Variants in ELAVL3 observed in about 807,000 individuals in gnomAD.
ELAVL3 encodes the protein ELAV-like protein 3.
A neutral mutation model predicts 34.2 loss-of-function variants in ELAVL3; 8 were observed. The observed-to-expected ratio is 0.23, with a 90% confidence interval of 0.14 to 0.42. The LOEUF (loss-of-function observed/expected upper bound fraction) is 0.42, where lower values mean the gene tolerates loss of function less well. ELAVL3 is among the 10% of genes least tolerant of loss of function. The pLI is 1.00. For missense variants in ELAVL3, 273 were observed against 518.8 expected, an observed-to-expected ratio of 0.53 and a Z score of 4.60; for synonymous variants, 209 against 222.1, an observed-to-expected ratio of 0.94 and a Z score of 0.53.
At position 11,480,161 on chromosome 19, in the gene ELAVL3, T is replaced by A. The variant is rs1971347006; in HGVS notation, c.9+439A>T. The A allele has an allele frequency of 6.3e-6, 1 of 159,180 alleles. No homozygotes were observed. Among genetic ancestry groups the A allele is most frequent in the Non-Finnish European group, 1.4e-5 (1 of 73,168 alleles). 9.9% of individuals were successfully genotyped at this position (159,180 alleles called of 1,614,324 possible). ...TGCGGCCGAGGCCCGGGGCGCGCGA[T>A]CCGACGCCACCCGCTTTCCCAGGGC... is the stretch of plus-strand genomic sequence containing the variant. On this transcript the variant is annotated intron_variant, in intron 1 of 6. Transcript: ENST00000359227. This position sits in a 1 kb window ranked among gnomAD's most constrained non-coding sequence, Gnocchi z 6.8.
chr19:11,460,103 T>C (rs1475333822), intron 3 of ELAVL3, among the ~76,000 whole-genome samples: 1 of 152,080 alleles, frequency 6.6e-6, no homozygotes, highest in Non-Finnish European at 1.5e-5. Flanking sequence ...CCGCCTCCAA[T>C]CTGCCCCAAC....
intron 6 of ELAVL3, 127 bp from the exon 7 acceptor site, chr19:11,455,004 A>T: frequency 1.1e-4 from 97 of 867,134 alleles, no homozygotes; most frequent in South Asian, 2.2e-4. Context: ...CTGCAATGCA[A>T]TTTTTTTTTT....
chr19:11,480,995 C>G lies in ELAVL3; in HGVS notation c.-387G>C. The G allele has an allele frequency of 5.0e-6, 1 of 199,348 alleles. No homozygotes were observed. The highest frequency in any genetic ancestry group is 1.1e-4 in the East Asian group (1 of 8,880). 12.3% of individuals were successfully genotyped at this position (199,348 alleles called of 1,614,324 possible). A position where few individuals can be genotyped will look rare whatever the true frequency, so the allele number is the denominator to read the frequency against. ...GTCCCGTGTGTTCAAGTCCTCTCCC[C>G]TCGCCCACCCTCCCTCCCTCCCTCC... On this transcript the variant is annotated 5_prime_UTR_variant, in exon 1 of 7. Transcript: ENST00000359227. This position sits in a 1 kb window ranked among gnomAD's most constrained non-coding sequence, Gnocchi z 6.8.
At chr19:11,462,706 C>G (rs975201638) in intron 3 of ELAVL3, among the ~76,000 whole-genome samples, 2 of 151,638 alleles carry the variant, frequency 1.3e-5, no homozygotes, top group Non-Finnish European at 1.5e-5. Context: ...GCCTGTAATC[C>G]CAGCACTTTG....
At chr19:11,457,216 C>A in intron 5 of ELAVL3, 68 bp from the exon 6 acceptor site, 1 of 1,476,770 alleles carries the variant, frequency 6.8e-7, no homozygotes, top group Admixed American at 2.4e-5. Flanking sequence ...CACCGTCGGC[C>A]TGCCCTCCCC....
chr19:11,461,909 C>T (rs1449340785), intron 3 of ELAVL3, among the ~76,000 whole-genome samples: 2 of 152,286 alleles, frequency 1.3e-5, no homozygotes, highest in East Asian at 1.9e-4. Context: ...GGCGCGGTGG[C>T]GCACGCCTGT....
chr19:11,455,184 G>T (rs895085522), intron 6 of ELAVL3, among the ~76,000 whole-genome samples: 3 of 151,922 alleles, frequency 2.0e-5, no homozygotes, highest in East Asian at 1.9e-4. Flanking sequence ...ATGATTTGTG[G>T]TGACACAGTC....
At chr19:11,478,512 G>A (rs1012940853) in intron 1 of ELAVL3, among the ~76,000 whole-genome samples, 6 of 152,060 alleles carry the variant, frequency 3.9e-5, no homozygotes, top group Non-Finnish European at 8.8e-5. Context: ...GAGATGGGGG[G>A]GTGGCAAAGT....
At chr19:11,461,910 G>T (rs545762811) in intron 3 of ELAVL3, among the ~76,000 whole-genome samples, 3 of 152,056 alleles carry the variant, frequency 2.0e-5, no homozygotes, top group South Asian at 4.1e-4. Flanking sequence ...GCGCGGTGGC[G>T]CACGCCTGTA....
At chr19:11,456,180 A>C (rs370674181) in intron 6 of ELAVL3, among the ~76,000 whole-genome samples, 36 of 151,104 alleles carry the variant, frequency 2.4e-4, no homozygotes, top group Middle Eastern at 3.4e-3. Flanking sequence ...ATCTCAGCTC[A>C]CTGCAACCTC....
At chr19:11,465,588 A>AC (rs555422256) in intron 3 of ELAVL3, among the ~76,000 whole-genome samples, 13,741 of 140,486 alleles carry the variant, frequency 0.098, 1,856 homozygotes, top group African/African-American at 0.31. Context: ...CAGATGGGCC[A>AC]CCCCCCCGAC....
intron 1 of ELAVL3, among the ~76,000 whole-genome samples, chr19:11,474,663 T>C (rs1971230242): frequency 6.6e-6 from 1 of 151,962 alleles, no homozygotes; most frequent in East Asian, 1.9e-4. Flanking sequence ...TATTTAAAGA[T>C]GGGGTCTCTC....
At position 11,458,029 on chromosome 19, in the gene ELAVL3, G is replaced by T. The variant is rs201006578; in HGVS notation, c.713+32C>A. On this transcript the variant is annotated intron_variant, in intron 5 of 6. Coordinates refer to ENST00000359227, the MANE Select transcript of ELAVL3 (RefSeq NM_001420.4). This position sits in a 1 kb window ranked among gnomAD's most constrained non-coding sequence, Gnocchi z 7.3. ...AGGGTTGCAAGCTTGGGGGCACCCG[G>T]CCTGGGGCCATCTGGCTGGCAGGGG... 714 of 1,602,242 alleles carry T rather than the reference G, an allele frequency of 4.5e-4. 4 individuals are homozygous for T. In the African/African-American group the frequency reaches 8.9e-3, roughly 20 times the overall value.
In ELAVL3 at chr19:11,458,299, A is replaced by G. The variant is rs1252134748; in HGVS notation, c.488-13T>C. 1 of 1,612,738 alleles carries G rather than the reference A, an allele frequency of 6.2e-7. No homozygotes were observed. The highest frequency in any genetic ancestry group is 2.2e-5 in the East Asian group (1 of 44,862). On this transcript the variant is annotated splice_polypyrimidine_tract_variant and intron_variant, in intron 4 of 6. Coordinates refer to ENST00000359227, the MANE Select transcript of ELAVL3 (RefSeq NM_001420.4). The surrounding 1 kb of genome is among the most constrained non-coding windows in gnomAD (Gnocchi z 7.3). ...CCCCGAGAGACACCTGCCAGGGGGCAGGGATGTCCATCACGACGACCCTGT... is the reference window on the plus strand; with the variant it reads ...CCCCGAGAGACACCTGCCAGGGGGCGGGGATGTCCATCACGACGACCCTGT...
Position 11,480,709 on chromosome 19 carries a change from G to C in ELAVL3, c.-101C>G, listed in dbSNP as rs1450671369. On this transcript the variant is annotated 5_prime_UTR_variant, in exon 1 of 7. Transcript: ENST00000359227. This position sits in a 1 kb window ranked among gnomAD's most constrained non-coding sequence, Gnocchi z 6.8. ...GCTCACGCTGGGGTCCCGCCCGGGCGGCCTCTGGTGCGGCCGCTGCAGATG... is the reference window on the plus strand; with the variant it reads ...GCTCACGCTGGGGTCCCGCCCGGGCCGCCTCTGGTGCGGCCGCTGCAGATG... The C allele has an allele frequency of 1.7e-6, 2 of 1,191,700 alleles. No homozygotes were observed. Among genetic ancestry groups the C allele is most frequent in the Non-Finnish European group, 2.2e-6 (2 of 905,164 alleles). 73.8% of individuals were successfully genotyped at this position (1,191,700 alleles called of 1,614,324 possible). A position where few individuals can be genotyped will look rare whatever the true frequency, so the allele number is the denominator to read the frequency against.
Position 11,454,500 on chromosome 19 carries a change from G to C in ELAVL3, c.*26C>G, listed in dbSNP as rs200383181. The C allele has an allele frequency of 1.6e-3, 2,390 of 1,538,360 alleles. 3 individuals carry two copies. Among genetic ancestry groups the C allele is most frequent in the Non-Finnish European group, 1.9e-3 (2,171 of 1,139,542 alleles). On this transcript the variant is annotated 3_prime_UTR_variant, in exon 7 of 7. Coordinates refer to ENST00000359227, the MANE Select transcript of ELAVL3 (RefSeq NM_001420.4). The surrounding 1 kb of genome is among the most constrained non-coding windows in gnomAD (Gnocchi z 9.2). ...CTCTCTCTCTCTGCTGCCCGGGGAGGGGGTGGGAGGGCAGGCGGGGTGGGC... is the reference window on the plus strand; with the variant it reads ...CTCTCTCTCTCTGCTGCCCGGGGAGCGGGTGGGAGGGCAGGCGGGGTGGGC...
Position 11,454,994 on chromosome 19 carries a change from C to T in ELAVL3, c.753-117G>A. On this transcript the variant is annotated intron_variant, in intron 6 of 6. Coordinates refer to ENST00000359227, the MANE Select transcript of ELAVL3 (RefSeq NM_001420.4). The surrounding 1 kb of genome is among the most constrained non-coding windows in gnomAD (Gnocchi z 9.2). ...CCATGACCTTGGAATGGTGTGACCC[C>T]TGCAATGCAATTTTTTTTTTTAGAG... 8.3e-7 allele frequency: 1 copy of T among 1,207,178 alleles called. No individual in the cohort carries two copies. Among genetic ancestry groups the T allele is most frequent in the Non-Finnish European group, 1.2e-6 (1 of 868,036 alleles). The allele number at this position is 1,207,178 out of a possible 1,614,324, so 74.8% of individuals were successfully genotyped here. A position where few individuals can be genotyped will look rare whatever the true frequency, so the allele number is the denominator to read the frequency against.
At chr19:11,457,979 C>G (rs1294431559) in intron 5 of ELAVL3, 82 bp downstream of exon 5, 1 of 1,460,426 alleles carries the variant, frequency 6.8e-7, no homozygotes, top group Non-Finnish European at 9.4e-7. Flanking sequence ...GGCATCCCTC[C>G]CTTCGGCAGG....
In ELAVL3 at chr19:11,452,384, A is replaced by C. The variant is rs1278499209; in HGVS notation, c.*2142T>G. 1 of 152,226 alleles carries C rather than the reference A, an allele frequency of 6.6e-6. No homozygotes were observed. Among genetic ancestry groups the C allele is most frequent in the Non-Finnish European group, 1.5e-5 (1 of 68,046 alleles). 9.4% of individuals were successfully genotyped at this position (152,226 alleles called of 1,614,324 possible). A position where few individuals can be genotyped will look rare whatever the true frequency, so the allele number is the denominator to read the frequency against. On this transcript the variant is annotated 3_prime_UTR_variant, in exon 7 of 7. Transcript: ENST00000359227. ...GATGTCCTTACAGGGCAACGAGGAG[A>C]ATAAATAGTTAACATAGCAATAAGT...
Sources: gnomAD v4.1 joint callset for allele counts (sites outside exome capture counted in the v4.1 genomes callset) on GRCh38, gnomAD v4.1.1 for gene constraint, Gnocchi (gnomAD v3.1) non-coding constraint, MANE v1.5 for transcripts, NCBI Gene and HGNC (gene_info 2026-07-23, HGNC 2026-07-21) for gene names.